The following AGTPBP1 variants were observed in gnomAD, a reference collection of about 807,000 sequenced individuals.
AGTPBP1 encodes the protein ATP/GTP binding carboxypeptidase 1, also known as cytosolic carboxypeptidase 1.
A neutral mutation model predicts 143.9 loss-of-function variants in AGTPBP1; 70 were observed. That is an observed-to-expected ratio of 0.49 (90% CI 0.40 to 0.59). The LOEUF is 0.59. AGTPBP1 is among the 20% of genes least tolerant of loss of function. AGTPBP1 has a pLI of 0.00. For synonymous variants in AGTPBP1, 463 were observed against 500.2 expected (o/e 0.93, Z 0.99); for missense variants, 1,229 against 1,464.5 (o/e 0.84, Z 2.62).
intron 1 of AGTPBP1, among the ~76,000 whole-genome samples, chr9:85,713,611 G>A (rs1837519503): frequency 6.6e-6 from 1 of 152,086 alleles, no homozygotes; most frequent in African/African-American, 2.4e-5. Flanking sequence ...TATTTAAAGA[G>A]ACAACAAACA....
At chr9:85,757,232 A>G in the AGTPBP1 span, among the ~76,000 whole-genome samples, 1 of 151,832 alleles carries the variant, frequency 6.6e-6, no homozygotes, top group Non-Finnish European at 1.5e-5. Flanking sequence ...ATGCCCAGCT[A>G]ATTTTTGTAT....
chr9:85,644,090 T>C (rs1006590532), intron 12 of AGTPBP1, among the ~76,000 whole-genome samples: 2 of 152,094 alleles, frequency 1.3e-5, no homozygotes, highest in African/African-American at 2.4e-5. Context: ...ATTATGTATT[T>C]CTTATTATTT....
chr9:85,658,783 G>T (rs1211011555), intron 9 of AGTPBP1, among the ~76,000 whole-genome samples: 1 of 152,066 alleles, frequency 6.6e-6, no homozygotes, highest in Non-Finnish European at 1.5e-5. Context: ...ACAGGCAGAA[G>T]ACACTCACTA....
chr9:85,574,074 G>A (rs191405861), intron 25 of AGTPBP1, among the ~76,000 whole-genome samples: 52 of 152,300 alleles, frequency 3.4e-4, no homozygotes, highest in African/African-American at 1.1e-3. Context: ...TGGTTGCTGC[G>A]TCTGTGTAGA....
At chr9:85,795,856 GTTTTTTTTTT>G in the AGTPBP1 span, among the ~76,000 whole-genome samples, 6 of 70,702 alleles carry the variant, frequency 8.5e-5, no homozygotes, top group South Asian at 1.2e-3. Flanking sequence ...CTTCTTCTTA[GTTTTTTTTTT>G]TTTTTTTTTT....
chr9:85,749,420 A>G, the AGTPBP1 span, among the ~76,000 whole-genome samples: 1 of 152,310 alleles, frequency 6.6e-6, no homozygotes, highest in South Asian at 2.1e-4. Flanking sequence ...TGTATCCTCT[A>G]CTTAATGCAA....
chr9:85,745,995 G>A (rs892227266), upstream of AGTPBP1, among the ~76,000 whole-genome samples: 1 of 152,156 alleles, frequency 6.6e-6, no homozygotes, highest in Non-Finnish European at 1.5e-5. Context: ...CAGGATGGCA[G>A]CTCCACTTCC....
At chr9:85,726,090 T>C (rs1433954851) in intron 1 of AGTPBP1, among the ~76,000 whole-genome samples, 1 of 137,970 alleles carries the variant, frequency 7.2e-6, no homozygotes, top group Non-Finnish European at 1.5e-5. Flanking sequence ...AAATAGCCAG[T>C]GTGGTGGCAT....
chr9:85,697,150 T>G (rs1177040567), intron 2 of AGTPBP1, among the ~76,000 whole-genome samples: 5 of 152,216 alleles, frequency 3.3e-5, no homozygotes, highest in Non-Finnish European at 5.9e-5. Context: ...CAGATATGTC[T>G]TCTTTGTACC....
At position 85,602,501 on chromosome 9, in the gene AGTPBP1, G is replaced by T. The variant is rs949273992; in HGVS notation, c.2336-6052C>A. Reference sequence around the variant, plus strand: ...ATGAACAAAGCCTACATGACATATGGCACACCATAAAGCAAACACATATTC... The same window carrying T: ...ATGAACAAAGCCTACATGACATATGTCACACCATAAAGCAAACACATATTC... On this transcript the variant is annotated intron_variant, in intron 17 of 25. Coordinates refer to ENST00000357081, the MANE Select transcript of AGTPBP1 (RefSeq NM_001330701.2). Among the ~76,000 whole-genome samples, 6 of 152,092 alleles carry T rather than the reference G, an allele frequency of 3.9e-5. No individual in the cohort carries two copies. In the South Asian group the frequency reaches 1.0e-3, roughly 26 times the overall value.
At chr9:85,607,534 T>G (rs1425464420) in intron 17 of AGTPBP1, among the ~76,000 whole-genome samples, 2 of 152,106 alleles carry the variant, frequency 1.3e-5, no homozygotes, top group Non-Finnish European at 2.9e-5. Flanking sequence ...TATTCATTAG[T>G]GAAAGGATAA....
chr9:85,604,433 T>C (rs1203810967), intron 17 of AGTPBP1, among the ~76,000 whole-genome samples: 1 of 152,192 alleles, frequency 6.6e-6, no homozygotes, highest in East Asian at 1.9e-4. Context: ...CTAATGCAGA[T>C]ATGGCTGCAG....
intron 5 of AGTPBP1, among the ~76,000 whole-genome samples, chr9:85,678,102 G>A (rs188601771): frequency 3.3e-5 from 5 of 152,240 alleles, no homozygotes; most frequent in African/African-American, 1.2e-4. Context: ...CACAAATCAC[G>A]CTGAAATTCT....
At chr9:85,693,753 T>G (rs944101784) in intron 2 of AGTPBP1, among the ~76,000 whole-genome samples, 3 of 151,198 alleles carry the variant, frequency 2.0e-5, no homozygotes, top group African/African-American at 7.3e-5. Context: ...ATATTTCAGG[T>G]GATGGGAAGT....
intron 3 of AGTPBP1, among the ~76,000 whole-genome samples, chr9:85,687,055 CAA>C (rs1421818076): frequency 6.6e-6 from 1 of 151,992 alleles, no homozygotes; most frequent in Non-Finnish European, 1.5e-5. Flanking sequence ...GTACGATATG[CAA>C]AGAGTAATAA....
At chr9:85,691,802 T>C (rs540490651) in intron 3 of AGTPBP1, among the ~76,000 whole-genome samples, 9 of 152,198 alleles carry the variant, frequency 5.9e-5, no homozygotes, top group Non-Finnish European at 1.3e-4. Context: ...AAGTCAATAC[T>C]ATTTGTGTAC....
Position 85,546,619 on chromosome 9 carries a change from T to A in AGTPBP1, c.*490A>T, listed in dbSNP as rs902214757. 8 of 152,380 alleles carry A rather than the reference T, an allele frequency of 5.3e-5. No individual in the cohort carries two copies. The highest frequency in any genetic ancestry group is 1.9e-4 in the African/African-American group (8 of 41,472). The allele number at this position is 152,380 out of a possible 1,614,324, so 9.4% of individuals were successfully genotyped here. A position where few individuals can be genotyped will look rare whatever the true frequency, so the allele number is the denominator to read the frequency against. On this transcript the variant is annotated 3_prime_UTR_variant, in exon 26 of 26. Transcript: ENST00000357081. ...GTTTCAAGGCAAACCCTGGACTACT[T>A]CAGTCACAACCCAATAGTTAACATG...
In AGTPBP1 at chr9:85,633,193, A is replaced by C; in HGVS notation, c.1484T>G (p.Met495Arg). The stretch of plus-strand genomic sequence containing the variant: ...TTTAATATCTTCTTTTGCTAGATCC[A>C]TAAAGGTAGACTTCTTTTCACCTTC... ...GDEGEKKSTF[M>R]DLAKEDIKDN... Residue 495 changes from methionine (M) to arginine (R), a missense_variant, in exon 14 of 26, where the codon ATG (methionine) becomes AGG (arginine). Around this residue, in one of 2 missense-constraint regions of AGTPBP1, gnomAD observed 743 missense variants for 812.2 expected, o/e 0.91. Transcript: ENST00000357081. 1 of 1,613,538 alleles carries C rather than the reference A, an allele frequency of 6.2e-7. No individual in the cohort carries two copies. The highest frequency in any genetic ancestry group is 1.1e-5 in the South Asian group (1 of 90,930).
Position 85,692,770 on chromosome 9 carries a change from C to G in AGTPBP1, c.76G>C (p.Glu26Gln). The G allele has an allele frequency of 6.2e-7, 1 of 1,613,872 alleles. No individual in the cohort carries two copies. The part of the protein sequence containing the change: ...SRIVGLLAQL[E>Q]KINAEPSESD... ...TCTGAAGGCTCAGCATTGATCTTCT[C>G]CAGTTGAGCCAGGAGTCCTACGATC... The change falls in exon 3 of 26, where the codon GAG becomes CAG. Residue 26 changes from glutamate to glutamine, a missense_variant. By Grantham distance (29) the Glu-to-Gln change is conservative. Transcript: ENST00000357081.
Sources: gnomAD v4.1 joint callset for allele counts (sites outside exome capture counted in the v4.1 genomes callset) on GRCh38, gnomAD v4.1.1 for gene constraint, gnomAD v4.1.1 regional missense constraint, MANE v1.5 for transcripts, NCBI Gene and HGNC (gene_info 2026-07-23, HGNC 2026-07-21) for gene names.